The following NKAIN2 variants were observed in gnomAD, a reference collection of about 807,000 sequenced individuals.
NKAIN2 encodes the protein sodium/potassium-transporting ATPase subunit beta-1-interacting protein 2.
A neutral mutation model predicts 32.6 loss-of-function variants in NKAIN2; 14 were observed. The observed-to-expected ratio is 0.43, with a 90% CI of 0.28 to 0.67. NKAIN2 has a LOEUF of 0.67. Among genes scored for constraint, NKAIN2 ranks in the 30% least tolerant of loss-of-function variants. The probability of loss-of-function intolerance (pLI) is 0.17; values close to 1 mark genes in which losing one functional copy is unlikely to be tolerated. For missense variants in NKAIN2, 198 were observed against 258.3 expected (o/e 0.77, Z 1.60); for synonymous variants, 80 against 87.2 (o/e 0.92, Z 0.46).
intron 3 of NKAIN2, among the ~76,000 whole-genome samples, chr6:124,610,994 A>G (rs1782667825): frequency 6.6e-6 from 1 of 152,172 alleles, no homozygotes; most frequent in Admixed American, 6.5e-5. Flanking sequence ...CTTGACTTCA[A>G]TCTAAAACAC....
At chr6:124,802,077 C>T (rs1780286539) in intron 5 of NKAIN2, among the ~76,000 whole-genome samples, 1 of 152,126 alleles carries the variant, frequency 6.6e-6, no homozygotes, top group South Asian at 2.1e-4. Flanking sequence ...AATTTAGGCT[C>T]AGGAGTTTTG....
chr6:124,359,558 A>T lies in NKAIN2; in HGVS notation c.273+4211A>T, dbSNP rs568889542. On this transcript the variant is annotated intron_variant, in intron 3 of 6. Transcript: ENST00000368417. ...AATTGTGAATGGGAGTTCACTCATGATTTGGCTCTCTGTTTGTCTGTTATT... is the reference window on the plus strand; with the variant it reads ...AATTGTGAATGGGAGTTCACTCATGTTTTGGCTCTCTGTTTGTCTGTTATT... Among the ~76,000 whole-genome samples the T allele has an allele frequency of 4.1e-3, 631 of 152,116 alleles. 3 individuals are homozygous for T. The highest frequency in any genetic ancestry group is 0.014 in the African/African-American group (594 of 41,478).
chr6:123,980,396 C>T (rs1419905431), intron 1 of NKAIN2, among the ~76,000 whole-genome samples: 1 of 152,188 alleles, frequency 6.6e-6, no homozygotes, highest in Non-Finnish European at 1.5e-5. Context: ...AGTGGCTTGA[C>T]TCAGCCCAAG....
At chr6:123,874,811 A>G (rs9490982) in intron 1 of NKAIN2, among the ~76,000 whole-genome samples, 6 of 152,202 alleles carry the variant, frequency 3.9e-5, no homozygotes, top group African/African-American at 1.2e-4. Flanking sequence ...AATAAAAACA[A>G]CTTGTAATCC....
intron 4 of NKAIN2, among the ~76,000 whole-genome samples, chr6:124,701,723 A>G (rs1231230504): frequency 1.6e-5 from 2 of 128,740 alleles, no homozygotes; most frequent in Non-Finnish European, 3.4e-5. Context: ...GTCATTATCA[A>G]AGTTTGAGTC....
intron 2 of NKAIN2, among the ~76,000 whole-genome samples, chr6:124,285,170 T>C (rs1432484225): frequency 6.6e-6 from 1 of 152,176 alleles, no homozygotes; most frequent in African/African-American, 2.4e-5. Context: ...GCATTTGGAT[T>C]TTTCCCTGAG....
intron 1 of NKAIN2, among the ~76,000 whole-genome samples, chr6:123,969,025 A>T (rs1368731834): frequency 6.6e-6 from 1 of 151,830 alleles, no homozygotes; most frequent in Admixed American, 6.6e-5. Flanking sequence ...CCCACTTTAT[A>T]GTTCTGACTA....
rs887770510 is a variant in NKAIN2 at position 124,499,093 on chromosome 6, A to G, written c.273+143746A>G. On this transcript the variant is annotated intron_variant, in intron 3 of 6. Transcript: ENST00000368417. The stretch of plus-strand genomic sequence containing the variant: ...AATGTACTTATCTTTTCCGTAAACT[A>G]CCTGTCAGTTGTTAATCCAATCTCT... Among the ~76,000 whole-genome samples the G allele has an allele frequency of 9.2e-5, 14 of 152,158 alleles. No individual in the cohort carries two copies. The East Asian group carries it at 1.2e-3, about 13-fold the overall frequency.
intron 4 of NKAIN2, among the ~76,000 whole-genome samples, chr6:124,693,385 A>G (rs1157733660): frequency 6.6e-6 from 1 of 152,212 alleles, no homozygotes; most frequent in African/African-American, 2.4e-5. Context: ...CAAGGTTTGT[A>G]TAAGTACACT....
At chr6:124,094,277 A>G (rs1582630921) in intron 1 of NKAIN2, among the ~76,000 whole-genome samples, 1 of 152,140 alleles carries the variant, frequency 6.6e-6, no homozygotes, top group Non-Finnish European at 1.5e-5. Context: ...ATTTCCTCAT[A>G]TAGAAAAAAT....
intron 4 of NKAIN2, among the ~76,000 whole-genome samples, chr6:124,668,227 C>T (rs1318911698): frequency 1.3e-5 from 2 of 152,098 alleles, no homozygotes; most frequent in Non-Finnish European, 1.5e-5. Flanking sequence ...TTATTTGTCA[C>T]GTGATTATTT....
At chr6:124,363,781 A>C (rs2114289678) in intron 3 of NKAIN2, among the ~76,000 whole-genome samples, 1 of 152,318 alleles carries the variant, frequency 6.6e-6, no homozygotes, top group Non-Finnish European at 1.5e-5. Context: ...AGAAAAGAGA[A>C]ACATCTTAGG....
At chr6:124,344,527 C>G (rs1464371437) in intron 2 of NKAIN2, among the ~76,000 whole-genome samples, 1 of 151,312 alleles carries the variant, frequency 6.6e-6, no homozygotes, top group African/African-American at 2.4e-5. Context: ...GTTTTTAGTT[C>G]TCCTTGAAGA....
At chr6:123,819,122 ATTCT>A (rs529200707) in intron 1 of NKAIN2, among the ~76,000 whole-genome samples, 23 of 152,282 alleles carry the variant, frequency 1.5e-4, no homozygotes, top group Non-Finnish European at 3.1e-4. Context: ...CTCAGAATAC[ATTCT>A]TTATTTCTTA....
chr6:123,825,250 G>A (rs1230847324), intron 1 of NKAIN2, among the ~76,000 whole-genome samples: 3 of 151,986 alleles, frequency 2.0e-5, no homozygotes, highest in Non-Finnish European at 4.4e-5. Context: ...TTCAACACGT[G>A]GATTTTGTGG....
intron 3 of NKAIN2, among the ~76,000 whole-genome samples, chr6:124,419,618 G>A (rs755359217): frequency 4.6e-5 from 7 of 152,078 alleles, no homozygotes; most frequent in Non-Finnish European, 1.0e-4. Context: ...CTGCTACTTA[G>A]AAAGCAACAA....
chr6:124,348,913 C>T lies in NKAIN2; in HGVS notation c.193-6354C>T, dbSNP rs568324606. On this transcript the variant is annotated intron_variant, in intron 2 of 6. Coordinates refer to ENST00000368417, the MANE Select transcript of NKAIN2 (RefSeq NM_001040214.3). Reference sequence around the variant, plus strand: ...CCACCCCAATACTGTGCTTTTCCGACGGGCTTAAAAAACGGTGCACCAGGA... The same window carrying T: ...CCACCCCAATACTGTGCTTTTCCGATGGGCTTAAAAAACGGTGCACCAGGA... 4.5e-4 allele frequency among the ~76,000 whole-genome samples: 69 copies of T among 152,212 alleles called. 1 individual carries two copies. Among genetic ancestry groups the T allele is most frequent in the African/African-American group, 1.5e-3 (61 of 41,534 alleles).
intron 1 of NKAIN2, among the ~76,000 whole-genome samples, chr6:124,163,064 AT>A (rs937870344): frequency 6.6e-6 from 1 of 151,986 alleles, no homozygotes; most frequent in African/African-American, 2.4e-5. Flanking sequence ...TCAAATTATG[AT>A]TTTTTCATCT....
intron 3 of NKAIN2, among the ~76,000 whole-genome samples, chr6:124,440,933 A>C (rs929952378): frequency 2.6e-5 from 4 of 152,094 alleles, no homozygotes; most frequent in African/African-American, 9.7e-5. Context: ...TTGACTCCAT[A>C]GTTTCTAGAC....
Sources: allele counts gnomAD v4.1 joint callset (sites outside exome capture counted in the v4.1 genomes callset), GRCh38; gene constraint gnomAD v4.1.1; transcripts MANE v1.5; gene names NCBI Gene and HGNC (gene_info 2026-07-23, HGNC 2026-07-21).